The following PTPRM variants were observed in gnomAD, a reference collection of about 807,000 sequenced individuals.
PTPRM encodes receptor-type tyrosine-protein phosphatase mu.
A neutral mutation model predicts 186.7 loss-of-function variants in PTPRM; 47 were observed. That is an observed-to-expected ratio of 0.25 (90% confidence interval 0.20 to 0.32). PTPRM has a LOEUF of 0.32. PTPRM is among the 10% of genes least tolerant of loss of function. The pLI is 1.00. For missense variants in PTPRM, 1,494 were observed against 1,865.0 expected (o/e 0.80, Z 3.66); for synonymous variants, 668 against 674.9 (o/e 0.99, Z 0.16).
At chr18:7,769,835 G>GA (rs2042190234) in intron 1 of PTPRM, among the ~76,000 whole-genome samples, 1 of 152,056 alleles carries the variant, frequency 6.6e-6, no homozygotes, top group Non-Finnish European at 1.5e-5. Flanking sequence ...AGTTGCTAAG[G>GA]AAAAGCCTTT....
chr18:7,877,501 T>C (rs763581586), intron 2 of PTPRM, among the ~76,000 whole-genome samples: 1 of 152,210 alleles, frequency 6.6e-6, no homozygotes, highest in Non-Finnish European at 1.5e-5. Flanking sequence ...TACATTTGGA[T>C]AAAAACTGGG....
intron 19 of PTPRM, among the ~76,000 whole-genome samples, chr18:8,271,550 A>G (rs1331011326): frequency 1.3e-5 from 2 of 152,042 alleles, no homozygotes; most frequent in Middle Eastern, 3.4e-3. Context: ...CACATTCTGT[A>G]TTTTTTTATT....
At chr18:7,698,176 G>A (rs1176662150) in intron 1 of PTPRM, among the ~76,000 whole-genome samples, 2 of 152,184 alleles carry the variant, frequency 1.3e-5, no homozygotes, top group African/African-American at 4.8e-5. Context: ...AACCCCACAT[G>A]TGGTCTGTTG....
chr18:7,955,167 C>G lies in PTPRM; in HGVS notation c.885C>G (p.Ala295=), dbSNP rs1469477787. ...IAPPQLASVG[A]TYLWIQLNAN... is the part of the protein sequence containing the mutation. ...CACCTCAGCTCGCCTCTGTAGGAGC[C>G]ACCTACCTGTGGATACAGCTCAACG... Residue 295 remains alanine (A), a synonymous_variant, in exon 7 of 33, where the codon GCC becomes GCG. Transcript: ENST00000580170. 1 of 1,613,828 alleles carries G rather than the reference C, an allele frequency of 6.2e-7. No individual in the cohort carries two copies. The highest frequency in any genetic ancestry group is 8.5e-7 in the Non-Finnish European group (1 of 1,179,700).
intron 14 of PTPRM, chr18:8,154,833 T>C (rs2093086639): frequency 6.6e-6 from 1 of 152,262 alleles, no homozygotes; most frequent in Non-Finnish European, 1.5e-5. Flanking sequence ...TTTTTGTTCA[T>C]GTATATTAAT....
rs959484491 is a variant in PTPRM at position 7,578,157 on chromosome 18, A to T, written c.73+10266A>T. On this transcript the variant is annotated intron_variant, in intron 1 of 32. Transcript: ENST00000580170. ...CAGGATGATGATGATGATTATGATG[A>T]TGATGATGATAATGATGATTTTTAG... Among the ~76,000 whole-genome samples the T allele has an allele frequency of 2.6e-5, 4 of 151,752 alleles. No homozygotes were observed. In the South Asian group the frequency reaches 8.3e-4, roughly 32 times the overall value.
At chr18:7,605,685 T>C (rs1307491656) in intron 1 of PTPRM, among the ~76,000 whole-genome samples, 1 of 152,210 alleles carries the variant, frequency 6.6e-6, no homozygotes, top group Non-Finnish European at 1.5e-5. Context: ...TTATTTGCAA[T>C]GTTACCTGTT....
intron 2 of PTPRM, among the ~76,000 whole-genome samples, chr18:7,854,256 A>G (rs1478433066): frequency 6.6e-6 from 1 of 152,174 alleles, no homozygotes; most frequent in Non-Finnish European, 1.5e-5. Flanking sequence ...ATGTAGAAGA[A>G]ATAAGAGCCT....
intron 7 of PTPRM, among the ~76,000 whole-genome samples, chr18:7,984,679 T>A (rs1309871082): frequency 8.7e-6 from 1 of 114,912 alleles, no homozygotes; most frequent in African/African-American, 2.9e-5. Flanking sequence ...CACACATATA[T>A]AATTATATAT....
At position 8,113,560 on chromosome 18, in the gene PTPRM, C is replaced by T. The variant is rs140496334; in HGVS notation, c.1931C>T (p.Pro644Leu). Residue 644 changes from proline to leucine, a missense_variant, in exon 12 of 33, where the codon CCA (proline) becomes CTA (leucine). This residue lies in a region of PTPRM where 1,107 missense variants were observed against 1,350.2 expected (regional missense o/e 0.82). Transcript: ENST00000580170. ...ACGACAGAAATCTTAAAGTGCTACC[C>T]AGTGCCAATTCACTTCCAGAATGCT... Reference protein sequence around the residue: ...KKTTEILKCYPVPIHFQNASL... With the variant: ...KKTTEILKCYLVPIHFQNASL... 2.6e-4 allele frequency: 421 copies of T among 1,613,814 alleles called. 2 individuals are homozygous for T. Among genetic ancestry groups the T allele is most frequent in the Admixed American group, 8.3e-5 (5 of 60,008 alleles).
At chr18:7,670,209 A>T (rs1424709284) in intron 1 of PTPRM, among the ~76,000 whole-genome samples, 2 of 152,184 alleles carry the variant, frequency 1.3e-5, no homozygotes, top group African/African-American at 4.8e-5. Context: ...CAAAATTTGC[A>T]GTGCATTTTA....
chr18:8,261,861 T>C (rs763094565), intron 19 of PTPRM, among the ~76,000 whole-genome samples: 2 of 152,242 alleles, frequency 1.3e-5, no homozygotes, highest in Non-Finnish European at 2.9e-5. Flanking sequence ...GAATTTTCTG[T>C]ATCTAACCTG....
intron 7 of PTPRM, among the ~76,000 whole-genome samples, chr18:8,022,191 G>A (rs540993616): frequency 6.6e-6 from 1 of 151,972 alleles, no homozygotes; most frequent in South Asian, 2.1e-4. Context: ...GCTGTCCCAG[G>A]GTCAGGGACA....
intron 2 of PTPRM, among the ~76,000 whole-genome samples, chr18:7,833,985 T>G (rs2045896531): frequency 6.6e-6 from 1 of 152,166 alleles, no homozygotes; most frequent in Non-Finnish European, 1.5e-5. Context: ...AGCTAGGACT[T>G]CCAGTACTAT....
intron 2 of PTPRM, chr18:7,815,589 G>A (rs1401989798): frequency 6.6e-6 from 1 of 152,150 alleles, no homozygotes; most frequent in Non-Finnish European, 1.5e-5. Context: ...AGGTTGAGGT[G>A]GAAAGATCGC....
At chr18:7,979,589 A>G (rs2082435955) in intron 7 of PTPRM, among the ~76,000 whole-genome samples, 1 of 152,176 alleles carries the variant, frequency 6.6e-6, no homozygotes, top group Non-Finnish European at 1.5e-5. Flanking sequence ...AGCTCATAAT[A>G]TGTATTTGCA....
chr18:7,883,563 A>G (rs2048612899), intron 2 of PTPRM, among the ~76,000 whole-genome samples: 1 of 152,222 alleles, frequency 6.6e-6, no homozygotes, highest in South Asian at 2.1e-4. Context: ...CTGTAAACTC[A>G]TTGGCACATA....
At chr18:7,945,658 G>GGGA (rs1397122068) in intron 5 of PTPRM, among the ~76,000 whole-genome samples, 1 of 152,182 alleles carries the variant, frequency 6.6e-6, no homozygotes, top group Admixed American at 6.5e-5. Context: ...TCTGTGCTAT[G>GGGA]GGAGGCAGTT....
At chr18:7,591,881 A>G (rs1046167474) in intron 1 of PTPRM, among the ~76,000 whole-genome samples, 1 of 152,232 alleles carries the variant, frequency 6.6e-6, no homozygotes, top group Non-Finnish European at 1.5e-5. Flanking sequence ...CTGGCTGTGC[A>G]ATTGAGAAGT....
Sources: gnomAD v4.1 joint callset for allele counts (sites outside exome capture counted in the v4.1 genomes callset) on GRCh38, gnomAD v4.1.1 for gene constraint, gnomAD v4.1.1 regional missense constraint, MANE v1.5 for transcripts, NCBI Gene and HGNC (gene_info 2026-07-23, HGNC 2026-07-21) for gene names.